Variants in PLCE1 observed in about 807,000 individuals in gnomAD.
PLCE1 encodes the protein phospholipase C epsilon 1.
A neutral mutation model predicts 242.8 loss-of-function variants in PLCE1; 119 were observed. The ratio of observed to expected loss-of-function variants is 0.49; its 90% confidence interval spans 0.42 to 0.57. PLCE1 has a LOEUF of 0.57. PLCE1 is among the 20% of genes least tolerant of loss of function. The pLI, the probability that PLCE1 is intolerant of heterozygous loss-of-function variation, is 0.00. For missense variants in PLCE1, 2,441 were observed against 2,788.8 expected, an observed-to-expected ratio of 0.88 and a Z score of 2.81; for synonymous variants, 945 against 1,017.4, an observed-to-expected ratio of 0.93 and a Z score of 1.35.
chr10:94,051,149 G>T (rs551019140), intron 2 of PLCE1, among the ~76,000 whole-genome samples: 1 of 151,970 alleles, frequency 6.6e-6, no homozygotes, highest in Non-Finnish European at 1.5e-5. Flanking sequence ...GTGGTTTGAA[G>T]TGCATCATTT....
chr10:94,156,366 G>C (rs2047433735), intron 3 of PLCE1, among the ~76,000 whole-genome samples: 2 of 152,174 alleles, frequency 1.3e-5, no homozygotes, highest in Admixed American at 6.5e-5. Flanking sequence ...GACCAAATTG[G>C]CTACAAACTG....
chr10:94,216,818 T>C (rs1247270299), intron 4 of PLCE1, among the ~76,000 whole-genome samples: 1 of 151,988 alleles, frequency 6.6e-6, no homozygotes, highest in Non-Finnish European at 1.5e-5. Flanking sequence ...CTAAAGGGAA[T>C]GCGACTCGGC....
chr10:94,011,481 C>G (rs1453256730), intron 1 of PLCE1, among the ~76,000 whole-genome samples: 1 of 152,072 alleles, frequency 6.6e-6, no homozygotes, highest in Non-Finnish European at 1.5e-5. Context: ...GACAGGGAAG[C>G]CACTTGCTAT....
At chr10:94,239,600 G>A (rs1292009024) in intron 7 of PLCE1, among the ~76,000 whole-genome samples, 1 of 152,138 alleles carries the variant, frequency 6.6e-6, no homozygotes, top group Non-Finnish European at 1.5e-5. Flanking sequence ...CTTAAGTGTG[G>A]ACACCCTTGG....
intron 2 of PLCE1, among the ~76,000 whole-genome samples, chr10:94,103,137 T>C (rs559470913): frequency 2.0e-5 from 3 of 152,210 alleles, no homozygotes; most frequent in African/African-American, 7.2e-5. Flanking sequence ...ATCTACTGTT[T>C]ATTAGGCGCT....
chr10:94,220,862 G>A, intron 4 of PLCE1, among the ~76,000 whole-genome samples: 1 of 152,190 alleles, frequency 6.6e-6, no homozygotes, highest in East Asian at 1.9e-4. Flanking sequence ...GGCACGCACA[G>A]GAAACGGTGG....
At chr10:94,267,477 TC>T (rs1300404308) in intron 16 of PLCE1, among the ~76,000 whole-genome samples, 2 of 152,176 alleles carry the variant, frequency 1.3e-5, no homozygotes, top group South Asian at 4.1e-4. Flanking sequence ...TCTCCACTCT[TC>T]CTTAGCCCTT....
chr10:94,117,630 T>C (rs2046174331), intron 2 of PLCE1, among the ~76,000 whole-genome samples: 1 of 152,192 alleles, frequency 6.6e-6, no homozygotes, highest in Admixed American at 6.5e-5. Flanking sequence ...CACTAGATCA[T>C]GGTGGGTATA....
chr10:94,260,735 A>G (rs1408510327), intron 13 of PLCE1, among the ~76,000 whole-genome samples: 2 of 151,922 alleles, frequency 1.3e-5, no homozygotes, highest in African/African-American at 4.8e-5. Flanking sequence ...TGCTCTGTTG[A>G]CCAGGCTGCT....
chr10:94,262,899 G>A (rs570888328), intron 14 of PLCE1, among the ~76,000 whole-genome samples, 167 bp downstream of exon 14: 1 of 151,500 alleles, frequency 6.6e-6, no homozygotes, highest in African/African-American at 2.4e-5. Flanking sequence ...TTGAGACAGA[G>A]TCTTACTCTG....
At chr10:94,098,601 T>C (rs891979675) in intron 2 of PLCE1, among the ~76,000 whole-genome samples, 5 of 152,204 alleles carry the variant, frequency 3.3e-5, no homozygotes, top group Middle Eastern at 3.2e-3. Context: ...TCAGATGAGG[T>C]CCAAATATTA....
intron 14 of PLCE1, among the ~76,000 whole-genome samples, chr10:94,264,416 C>T (rs1384124138): frequency 1.3e-5 from 2 of 151,686 alleles, no homozygotes; most frequent in Non-Finnish European, 2.9e-5. Context: ...AGGGCCCAAT[C>T]ATCCGGGCCT....
At chr10:94,293,424 A>C in intron 22 of PLCE1, 84 bp from the exon 23 acceptor site, 2 of 1,504,076 alleles carry the variant, frequency 1.3e-6, no homozygotes, top group Non-Finnish European at 1.8e-6. Flanking sequence ...GTAGGACTTC[A>C]AAATAAATAT....
intron 14 of PLCE1, among the ~76,000 whole-genome samples, chr10:94,264,512 A>AT (rs59860171): frequency 0.2 from 14,756 of 73,144 alleles, 3,460 homozygotes; most frequent in Non-Finnish European, 0.25. Flanking sequence ...ACATGATTTG[A>AT]TTTTTTTTTT....
At position 94,329,804 on chromosome 10, in the gene PLCE1, A is replaced by AAAAAAAAC; in HGVS notation, c.*1863_*1870dup. Reference sequence around the variant, plus strand: ...AAAAAAAAAAAAAAAAAAAAAAAAAAAAAAAAACACCATACAGCTTTCATG... The same window carrying AAAAAAAAC: ...AAAAAAAAAAAAAAAAAAAAAAAAAAAAAAAAACAAAAAAACACCATACAGCTTTCATG... On this transcript the variant is annotated 3_prime_UTR_variant, in exon 33 of 33. Transcript: ENST00000371380. The AAAAAAAAC allele has an allele frequency of 6.7e-6, 1 of 149,418 alleles. No individual in the cohort carries two copies. The highest frequency in any genetic ancestry group is 1.5e-5 in the Non-Finnish European group (1 of 67,588). 9.3% of individuals were successfully genotyped at this position (149,418 alleles called of 1,614,324 possible). A position where few individuals can be genotyped will look rare whatever the true frequency, so the allele number is the denominator to read the frequency against.
chr10:94,214,376 TGAG>T (rs1453056442), intron 4 of PLCE1, among the ~76,000 whole-genome samples: 1 of 152,200 alleles, frequency 6.6e-6, no homozygotes, highest in African/African-American at 2.4e-5. Context: ...ACAGAGAAGC[TGAG>T]GAGATTAGAA....
At chr10:94,183,946 A>G (rs2048388824) in intron 4 of PLCE1, among the ~76,000 whole-genome samples, 1 of 152,094 alleles carries the variant, frequency 6.6e-6, no homozygotes, top group African/African-American at 2.4e-5. Flanking sequence ...ATGATCCAGC[A>G]CCTCCCACGA....
intron 2 of PLCE1, among the ~76,000 whole-genome samples, chr10:94,106,419 C>G (rs1228652000): frequency 6.6e-6 from 1 of 152,168 alleles, no homozygotes; most frequent in Admixed American, 6.5e-5. Context: ...TGGATACACA[C>G]CATAATTTAT....
At chr10:94,275,687 T>C (rs2133198500) in intron 19 of PLCE1, among the ~76,000 whole-genome samples, 1 of 152,174 alleles carries the variant, frequency 6.6e-6, no homozygotes, top group East Asian at 1.9e-4. Flanking sequence ...AATATAAAAA[T>C]TAGCTGGGCA....
Sources: allele counts gnomAD v4.1 joint callset (sites outside exome capture counted in the v4.1 genomes callset), GRCh38; gene constraint gnomAD v4.1.1; transcripts MANE v1.5; gene names NCBI Gene and HGNC (gene_info 2026-07-23, HGNC 2026-07-21).